DST: variants seen among roughly 807,000 people sequenced by gnomAD.
DST encodes the protein bullous pemphigoid antigen.
A neutral mutation model predicts 875.2 loss-of-function variants in DST; 253 were observed. That is an observed-to-expected ratio of 0.29 (90% CI 0.26 to 0.32). DST has a LOEUF of 0.32. DST is among the 10% of genes least tolerant of loss of function. The pLI is 1.00. For missense variants in DST, 8,287 were observed against 9,111.6 expected (o/e 0.91, Z 3.68); for synonymous variants, 3,124 against 3,197.1 (o/e 0.98, Z 0.77).
intron 55 of DST, among the ~76,000 whole-genome samples, chr6:56,565,463 T>G (rs1054780059): frequency 6.6e-6 from 1 of 152,196 alleles, no homozygotes; most frequent in Admixed American, 6.5e-5. Context: ...TCGGAAGGAA[T>G]GATACCAGCT....
intron 47 of DST, among the ~76,000 whole-genome samples, chr6:56,594,814 T>C (rs2098342635): frequency 6.6e-6 from 1 of 152,220 alleles, no homozygotes; most frequent in Non-Finnish European, 1.5e-5. Context: ...CAATAACTCC[T>C]ACACATCACA....
intron 5 of DST, among the ~76,000 whole-genome samples, chr6:56,709,935 C>T (rs1430829296): frequency 6.6e-6 from 1 of 152,102 alleles, no homozygotes; most frequent in African/African-American, 2.4e-5. Context: ...GGAAGGAAAG[C>T]AGTGGTGAAG....
chr6:56,702,614 T>C (rs184628350), intron 7 of DST, among the ~76,000 whole-genome samples: 1 of 152,350 alleles, frequency 6.6e-6, no homozygotes, highest in East Asian at 1.9e-4. Context: ...ATACTCGTTT[T>C]ATACTACTTG....
intron 3 of DST, among the ~76,000 whole-genome samples, chr6:56,857,014 CTTT>C (rs1214133088): frequency 7.0e-6 from 1 of 143,802 alleles, no homozygotes; most frequent in African/African-American, 2.5e-5. Context: ...ATAGCAAGGT[CTTT>C]TTTTTTTTTT....
intron 4 of DST, among the ~76,000 whole-genome samples, chr6:56,745,839 C>T (rs2099570757): frequency 6.6e-6 from 1 of 152,126 alleles, no homozygotes; most frequent in South Asian, 2.1e-4. Context: ...TGGGGTAATA[C>T]TAAAGCATCT....
chr6:56,922,030 G>A (rs551286757), intron 2 of DST, among the ~76,000 whole-genome samples: 19 of 151,932 alleles, frequency 1.3e-4, no homozygotes, highest in African/African-American at 2.7e-4. Flanking sequence ...ACATATATAC[G>A]TATGTATCCT....
chr6:56,634,990 G>T, intron 24 of DST, 37 bp from the exon 25 acceptor site: 1 of 1,537,952 alleles, frequency 6.5e-7, no homozygotes, highest in Non-Finnish European at 9.0e-7. Flanking sequence ...AGAAGTAAAA[G>T]ACTTGTACTC....
chr6:56,580,298 G>A (rs947323470), intron 49 of DST, among the ~76,000 whole-genome samples: 6 of 152,040 alleles, frequency 3.9e-5, no homozygotes, highest in Admixed American at 3.3e-4. Flanking sequence ...TAATCCCAAC[G>A]CTTTTTGGGA....
intron 61 of DST, among the ~76,000 whole-genome samples, chr6:56,537,677 C>T (rs2097036548): frequency 6.6e-6 from 1 of 152,168 alleles, no homozygotes; most frequent in South Asian, 2.1e-4. Context: ...CATTGTCACC[C>T]ATACCTGCAC....
Position 56,553,525 on chromosome 6 carries a change from T to G in DST, c.15267A>C (p.Lys5089Asn). Residue 5089 changes from lysine to asparagine, a missense_variant, in exon 61 of 104, where the codon AAA becomes AAC. Lys to Asn is a moderately conservative substitution (Grantham distance 94, BLOSUM62 0). Transcript: ENST00000680361. ...EQNKSHPISA[K>N]LDVLESLIKD... Reference sequence around the variant, plus strand: ...TAATTAATGACTCCAAGACATCGAGTTTGGCAGATATTGGATGAGATTTGT... The same window carrying G: ...TAATTAATGACTCCAAGACATCGAGGTTGGCAGATATTGGATGAGATTTGT... The G allele has an allele frequency of 6.2e-7, 1 of 1,613,910 alleles. No homozygotes were observed. The highest frequency in any genetic ancestry group is 1.1e-5 in the South Asian group (1 of 91,076).
Position 56,466,160 on chromosome 6 carries a change from G to A in DST, c.22605C>T (p.Ile7535=). The A allele has an allele frequency of 1.2e-6, 2 of 1,611,322 alleles. No individual in the cohort carries two copies. The highest frequency in any genetic ancestry group is 1.7e-6 in the Non-Finnish European group (2 of 1,178,612). The part of the protein sequence containing the change: ...GDSQQLRLVR[I]LRSTVMVRVG... Reference sequence around the variant, plus strand: ...CACGAACCATCACAGTACTCCGCAGGATCCGGACCAGTCGCAGTTGCTGGG... The same window carrying A: ...CACGAACCATCACAGTACTCCGCAGAATCCGGACCAGTCGCAGTTGCTGGG... Residue 7535 remains isoleucine, a synonymous_variant, in exon 99 of 104, where the codon ATC becomes ATT. Transcript: ENST00000680361.
At chr6:56,759,007 C>A (rs768232094) in intron 4 of DST, among the ~76,000 whole-genome samples, 3 of 152,214 alleles carry the variant, frequency 2.0e-5, no homozygotes, top group Non-Finnish European at 2.9e-5. Flanking sequence ...CCAGCCCTGG[C>A]TGACCTCATG....
intron 50 of DST, among the ~76,000 whole-genome samples, chr6:56,576,441 G>A (rs186563042): frequency 4.6e-5 from 7 of 152,224 alleles, no homozygotes; most frequent in Admixed American, 4.6e-4. Context: ...TCTGAAGTGG[G>A]GGGCAGCATT....
intron 9 of DST, among the ~76,000 whole-genome samples, chr6:56,684,109 G>C (rs1238325190): frequency 6.6e-6 from 1 of 152,172 alleles, no homozygotes; most frequent in Non-Finnish European, 1.5e-5. Flanking sequence ...AAAGTCCTAT[G>C]AGCAAAGTCA....
At chr6:56,719,252 G>A (rs1232794254) in intron 5 of DST, among the ~76,000 whole-genome samples, 1 of 152,116 alleles carries the variant, frequency 6.6e-6, no homozygotes, top group Admixed American at 6.5e-5. Flanking sequence ...CTCTTAAAGG[G>A]ATGTGTAATT....
At chr6:56,735,379 T>G in intron 4 of DST, 90 bp from the exon 5 acceptor site, 1 of 825,148 alleles carries the variant, frequency 1.2e-6, no homozygotes, top group Non-Finnish European at 1.9e-6. Context: ...AAATGAGATA[T>G]TTAAAAGATA....
chr6:56,492,870 C>CA lies in DST; in HGVS notation c.20550+63dup, dbSNP rs376190394. 0.077 allele frequency: 73,604 copies of CA among 959,458 alleles called. 64 individuals carry two copies. The highest frequency in any genetic ancestry group is 0.1 in the African/African-American group (3,881 of 38,574). The allele number at this position is 959,458 out of a possible 1,614,324, so 59.4% of individuals were successfully genotyped here. A position where few individuals can be genotyped will look rare whatever the true frequency, so the allele number is the denominator to read the frequency against. On this transcript the variant is annotated intron_variant, in intron 84 of 103. Coordinates refer to ENST00000680361, the MANE Select transcript of DST (RefSeq NM_001374736.1). ...ACGACAGAGGAGTGAGACTCAGTCTCAAAAAAAAAAAAAAAAGCCTGGTGT... is the reference window on the plus strand; with the variant it reads ...ACGACAGAGGAGTGAGACTCAGTCTCAAAAAAAAAAAAAAAAAGCCTGGTGT...
chr6:56,941,765 G>A (rs1390185835), intron 2 of DST, among the ~76,000 whole-genome samples: 1 of 152,144 alleles, frequency 6.6e-6, no homozygotes, highest in Non-Finnish European at 1.5e-5. Flanking sequence ...ATAGGCATGA[G>A]CCACCGTGCC....
chr6:56,751,347 A>AT (rs1227597296), intron 4 of DST, among the ~76,000 whole-genome samples: 1 of 152,224 alleles, frequency 6.6e-6, no homozygotes. Flanking sequence ...ATAAGGGGAT[A>AT]TGCCAATATA....
Sources: allele counts gnomAD v4.1 joint callset (sites outside exome capture counted in the v4.1 genomes callset), GRCh38; gene constraint gnomAD v4.1.1; transcripts MANE v1.5; gene names NCBI Gene and HGNC (gene_info 2026-07-23, HGNC 2026-07-21).